Variants in EHBP1 observed in about 807,000 individuals in gnomAD.
EHBP1 encodes EH domain binding protein 1.
A neutral mutation model predicts 144.0 loss-of-function variants in EHBP1; 55 were observed. The ratio of observed to expected loss-of-function variants is 0.38; its 90% CI spans 0.31 to 0.48. The LOEUF is 0.48. EHBP1 is among the 20% of genes least tolerant of loss of function. The pLI, the probability that EHBP1 is intolerant of heterozygous loss-of-function variation, is 0.98. For missense variants in EHBP1, 1,200 were observed against 1,364.2 expected (o/e 0.88, Z 1.90); for synonymous variants, 469 against 472.7 (o/e 0.99, Z 0.10).
At chr2:63,022,740 T>C (rs1353261418) in intron 19 of EHBP1, among the ~76,000 whole-genome samples, 2 of 152,208 alleles carry the variant, frequency 1.3e-5, no homozygotes, top group East Asian at 1.9e-4. Flanking sequence ...TATATAGTCA[T>C]TGTATCTGTT....
chr2:62,705,377 C>T (rs988784733), upstream of EHBP1, among the ~76,000 whole-genome samples: 1 of 152,144 alleles, frequency 6.6e-6, no homozygotes, highest in Non-Finnish European at 1.5e-5. Flanking sequence ...CGGACAGCCA[C>T]CTTCTGCAAT....
chr2:63,026,293 C>CT (rs1491328168), intron 19 of EHBP1, among the ~76,000 whole-genome samples: 2 of 97,202 alleles, frequency 2.1e-5, no homozygotes, highest in Non-Finnish European at 4.3e-5. Context: ...GGCTCTCTAC[C>CT]TTGTGTGTGT....
intron 5 of EHBP1, among the ~76,000 whole-genome samples, chr2:62,825,830 C>T (rs2046308006): frequency 6.6e-6 from 1 of 152,048 alleles, no homozygotes; most frequent in East Asian, 1.9e-4. Context: ...TTCTCCTTTT[C>T]TGGTGTTTAG....
At chr2:62,850,448 G>A (rs561860495) in intron 7 of EHBP1, among the ~76,000 whole-genome samples, 3 of 152,014 alleles carry the variant, frequency 2.0e-5, no homozygotes, top group Admixed American at 6.6e-5. Flanking sequence ...CTTCCTTACT[G>A]TAAGGAAGAA....
chr2:62,870,468 A>G (rs891353843), intron 9 of EHBP1, among the ~76,000 whole-genome samples: 1 of 152,034 alleles, frequency 6.6e-6, no homozygotes, highest in Non-Finnish European at 1.5e-5. Context: ...TAATCCCAAC[A>G]CTTTGGGAGG....
intron 9 of EHBP1, among the ~76,000 whole-genome samples, chr2:62,868,158 T>G (rs936974261): frequency 6.6e-6 from 1 of 152,126 alleles, no homozygotes; most frequent in Non-Finnish European, 1.5e-5. Context: ...GCGGATCACT[T>G]TAGGTCAGGA....
At position 62,741,544 on chromosome 2, in the gene EHBP1, G is replaced by A. The variant is rs192516388; in HGVS notation, c.105-5851G>A. On this transcript the variant is annotated intron_variant, in intron 2 of 22. Transcript: ENST00000431489. ...ACTACCAAATATTTAACCAATTAGT[G>A]TCAGCGTTTTTGTTGTTGTTTCTTT... Among the ~76,000 whole-genome samples the A allele has an allele frequency of 1.9e-3, 295 of 152,234 alleles. 1 individual carries two copies. Among genetic ancestry groups the A allele is most frequent in the African/African-American group, 6.7e-3 (279 of 41,564 alleles).
chr2:62,934,686 G>C (rs1387738392), intron 10 of EHBP1, among the ~76,000 whole-genome samples: 1 of 152,160 alleles, frequency 6.6e-6, no homozygotes. Flanking sequence ...ACAACTGTCA[G>C]ATTCCCAAGG....
intron 3 of EHBP1, among the ~76,000 whole-genome samples, chr2:62,753,868 A>G (rs941142026): frequency 2.6e-5 from 4 of 152,162 alleles, no homozygotes; most frequent in Non-Finnish European, 5.9e-5. Flanking sequence ...AGTCCTCTAC[A>G]CTGGTTATTC....
chr2:63,026,166 A>G (rs544337968), intron 19 of EHBP1, among the ~76,000 whole-genome samples: 2 of 152,242 alleles, frequency 1.3e-5, no homozygotes, highest in East Asian at 3.9e-4. Context: ...GTCCTTTCTA[A>G]TGCTTGCATA....
At chr2:63,018,402 G>A in intron 19 of EHBP1, among the ~76,000 whole-genome samples, 1 of 152,202 alleles carries the variant, frequency 6.6e-6, no homozygotes, top group East Asian at 1.9e-4. Flanking sequence ...GACCATTTAA[G>A]AAGGAAAATA....
At chr2:63,021,129 A>G (rs1428311869) in intron 19 of EHBP1, among the ~76,000 whole-genome samples, 3 of 151,024 alleles carry the variant, frequency 2.0e-5, no homozygotes, top group South Asian at 4.2e-4. Context: ...CTGTTTCTAC[A>G]TTTACTTTAA....
chr2:62,780,543 C>G (rs2042353004), intron 5 of EHBP1, among the ~76,000 whole-genome samples: 1 of 151,986 alleles, frequency 6.6e-6, no homozygotes, highest in African/African-American at 2.4e-5. Context: ...TCAGATTGTG[C>G]TTCTAGAGGA....
chr2:62,751,297 C>T (rs552995195), intron 3 of EHBP1, among the ~76,000 whole-genome samples: 4 of 152,090 alleles, frequency 2.6e-5, no homozygotes, highest in Admixed American at 6.5e-5. Context: ...TATTGATTTT[C>T]GTATGTTGAA....
intron 10 of EHBP1, among the ~76,000 whole-genome samples, chr2:62,894,927 A>AGAGAGAGAGAG (rs71410972): frequency 0.012 from 1,640 of 141,184 alleles, 32 homozygotes; most frequent in Middle Eastern, 0.04. Context: ...AACAGAAAGA[A>AGAGAGAGAGAG]AGAGAGAGAG....
intron 14 of EHBP1, among the ~76,000 whole-genome samples, chr2:62,958,408 C>T (rs1265183269): frequency 6.6e-6 from 1 of 152,050 alleles, no homozygotes; most frequent in Non-Finnish European, 1.5e-5. Flanking sequence ...CACTGAGATG[C>T]ACAATAATGT....
chr2:62,951,050 T>A (rs1385821773), intron 13 of EHBP1, among the ~76,000 whole-genome samples: 41 of 152,240 alleles, frequency 2.7e-4, no homozygotes, highest in Admixed American at 2.6e-3. Flanking sequence ...GTCAGTATAC[T>A]GATTGATAAT....
intron 6 of EHBP1, among the ~76,000 whole-genome samples, chr2:62,828,270 T>C (rs2046491337): frequency 6.6e-6 from 1 of 152,202 alleles, no homozygotes; most frequent in African/African-American, 2.4e-5. Flanking sequence ...TTGGGGGAAG[T>C]ATAGCAAAGT....
intron 13 of EHBP1, among the ~76,000 whole-genome samples, chr2:62,953,338 A>G (rs997235252): frequency 6.6e-6 from 1 of 152,012 alleles, no homozygotes; most frequent in Non-Finnish European, 1.5e-5. Flanking sequence ...AAATAAGACA[A>G]GTTAACTAAC....
Sources: gnomAD v4.1 joint callset for allele counts (sites outside exome capture counted in the v4.1 genomes callset) on GRCh38, gnomAD v4.1.1 for gene constraint, MANE v1.5 for transcripts, NCBI Gene and HGNC (gene_info 2026-07-23, HGNC 2026-07-21) for gene names.